The following CDAN1 variants were observed in gnomAD, a reference collection of about 807,000 sequenced individuals.
CDAN1 encodes the protein codanin-1.
Under a neutral mutation model 139.8 loss-of-function variants are expected in CDAN1, and 107 were observed. That is an observed-to-expected ratio of 0.77 (90% CI 0.65 to 0.90). CDAN1 has a LOEUF of 0.90. Ranked by LOEUF, CDAN1 falls within the 40% of genes least tolerant of loss-of-function variation. The probability of loss-of-function intolerance (pLI) is 0.00; values close to 1 mark genes in which losing one functional copy is unlikely to be tolerated. For synonymous variants in CDAN1, 776 were observed against 660.6 expected (o/e 1.17, Z -2.68); for missense variants, 1,667 against 1,575.7 (o/e 1.06, Z -0.98).
chr15:42,728,124 C>G, intron 21 of CDAN1, 80 bp downstream of exon 21: 1 of 1,587,168 alleles, frequency 6.3e-7, no homozygotes, highest in Non-Finnish European at 8.6e-7. Flanking sequence ...CCCCCACACA[C>G]CCTCCCGCAG....
Position 42,728,713 on chromosome 15 carries a change from A to C in CDAN1, c.2743T>G (p.Leu915Val). ...GEEGGDPAQL[L>V]EILCSQLCPH... ...CACAGCTGGGAACACAAGATCTCCA[A>C]CAGCTGGGCTGGGTCTCCCCCTTCC... Residue 915 changes from leucine (L) to valine (V), a missense_variant, in exon 20 of 28, where the codon TTG (leucine) becomes GTG (valine). By Grantham distance (32) the Leu-to-Val change is conservative. This residue lies in a region of CDAN1 where 936 missense variants were observed against 844.1 expected (regional missense o/e 1.11). Coordinates refer to ENST00000356231, the MANE Select transcript of CDAN1 (RefSeq NM_138477.4). The C allele has an allele frequency of 6.2e-7, 1 of 1,614,182 alleles. No homozygotes were observed. Among genetic ancestry groups the C allele is most frequent in the South Asian group, 1.1e-5 (1 of 91,088 alleles).
chr15:42,735,296 T>C lies in CDAN1; in HGVS notation c.1022A>G (p.Lys341Arg), dbSNP rs1263981712. 6.2e-7 allele frequency: 1 copy of C among 1,609,988 alleles called. No individual in the cohort carries two copies. The highest frequency in any genetic ancestry group is 1.3e-5 in the African/African-American group (1 of 74,976). The change falls in exon 5 of 28, where the codon AAG (lysine) becomes AGG (arginine). Residue 341 changes from lysine (K) to arginine (R), a missense_variant. By Grantham distance (26) the Lys-to-Arg change is conservative. This residue lies in a region of CDAN1 where 244 missense variants were observed against 309.4 expected (regional missense o/e 0.79). Transcript: ENST00000356231. ...LLTARRMVTA[K>R]DSDPELSPAV... ...TGGACTTAGTTCAGGGTCGCTGTCC[T>C]TGGCAGTCACCATCCTCCGGGCAGT...
At position 42,731,290 on chromosome 15, in the gene CDAN1, T is replaced by G; in HGVS notation, c.1781A>C (p.Lys594Thr). 2 of 1,614,156 alleles carry G rather than the reference T, an allele frequency of 1.2e-6. No homozygotes were observed. The highest frequency in any genetic ancestry group is 1.7e-6 in the Non-Finnish European group (2 of 1,180,002). The stretch of plus-strand genomic sequence containing the variant: ...GGCAAGACCATTGAGCTCCTGGATC[T>G]TCAAGCTCAGACTGTCCATGAGATG... ...NQHLMDSLSL[K>T]IQELNGLALP... The change falls in exon 12 of 28, where the codon AAG becomes ACG. Residue 594 changes from lysine to threonine, a missense_variant. Physicochemically the swap from Lys to Thr is moderately conservative, Grantham distance 78. Around this residue, in one of 3 missense-constraint regions of CDAN1, gnomAD observed 936 missense variants for 844.1 expected, o/e 1.11. Transcript: ENST00000356231.
At position 42,732,198 on chromosome 15, in the gene CDAN1, G is replaced by A. The variant is rs879540931; in HGVS notation, c.1533+135C>T. On this transcript the variant is annotated intron_variant, in intron 10 of 27. Coordinates refer to ENST00000356231, the MANE Select transcript of CDAN1 (RefSeq NM_138477.4). ...GCCACTGGAGTTTCAGCCACTCCGC[G>A]AGGAGTAGAACTCTTGTTCAAATTC... 24 of 870,228 alleles carry A rather than the reference G, an allele frequency of 2.8e-5. No individual in the cohort carries two copies. The Middle Eastern group carries it at 1.7e-3, about 61-fold the overall frequency. The allele number at this position is 870,228 out of a possible 1,614,324, so 53.9% of individuals were successfully genotyped here. A position where few individuals can be genotyped will look rare whatever the true frequency, so the allele number is the denominator to read the frequency against.
chr15:42,730,595 C>CA lies in CDAN1; in HGVS notation c.2174+2dup. 6.2e-7 allele frequency: 1 copy of CA among 1,614,168 alleles called. No individual in the cohort carries two copies. The highest frequency in any genetic ancestry group is 8.5e-7 in the Non-Finnish European group (1 of 1,180,018). On this transcript the variant is annotated splice_region_variant and intron_variant, in intron 14 of 27. Coordinates refer to ENST00000356231, the MANE Select transcript of CDAN1 (RefSeq NM_138477.4). ...CATCAAGCCTCAGCCTTGTTCCACT[C>CA]ACCGGTGCAGGCGCAGCAGGAGAGT...
rs1423677735 is a variant in CDAN1 at position 42,735,664 on chromosome 15, C to T, written c.789G>A (p.Gln263=). The part of the protein sequence containing the change: ...MLRKERSKQL[Q]QSPTPTCPTP... ...TGGGACAGGTGGGGGTAGGTGACTGCTGCAGCTGCTTAGAGCTATGGAATA... is the reference window on the plus strand; with the variant it reads ...TGGGACAGGTGGGGGTAGGTGACTGTTGCAGCTGCTTAGAGCTATGGAATA... Residue 263 remains glutamine (Q), a synonymous_variant, in exon 4 of 28, where the codon CAG becomes CAA. Transcript: ENST00000356231. The T allele has an allele frequency of 6.2e-7, 1 of 1,614,020 alleles. No individual in the cohort carries two copies. The highest frequency in any genetic ancestry group is 8.5e-7 in the Non-Finnish European group (1 of 1,180,016).
In CDAN1 at chr15:42,737,093, C is replaced by A; in HGVS notation, c.10G>T (p.Val4Phe). 6.6e-7 allele frequency: 1 copy of A among 1,518,304 alleles called. No individual in the cohort carries two copies. The highest frequency in any genetic ancestry group is 8.8e-7 in the Non-Finnish European group (1 of 1,131,548). The allele number at this position is 1,518,304 out of a possible 1,614,324, so 94.1% of individuals were successfully genotyped here. The change falls in exon 1 of 28, where the codon GTT becomes TTT. Residue 4 changes from valine to phenylalanine, a missense_variant. Val to Phe is a conservative substitution (Grantham distance 50). Coordinates refer to ENST00000356231, the MANE Select transcript of CDAN1 (RefSeq NM_138477.4). ...TCTTCTCGCAGCAGCGACTCCAAAACGGCCGCCATCCCGGTCGGGGCGCTC... is the reference window on the plus strand; with the variant it reads ...TCTTCTCGCAGCAGCGACTCCAAAAAGGCCGCCATCCCGGTCGGGGCGCTC... MAA[V>F]LESLLREEVS...
intron 6 of CDAN1, among the ~76,000 whole-genome samples, chr15:42,734,649 G>A (rs1028587745): frequency 6.6e-6 from 1 of 152,036 alleles, no homozygotes; most frequent in Non-Finnish European, 1.5e-5. Context: ...TGTCACCCAG[G>A]CTGGGCTGGG....
chr15:42,724,920 T>C (rs2140456005), intron 27 of CDAN1: 1 of 628,452 alleles, frequency 1.6e-6, no homozygotes, highest in East Asian at 2.7e-5. Flanking sequence ...AAAACCCATA[T>C]AATGGGCTGT....
intron 27 of CDAN1, 109 bp downstream of exon 27, chr15:42,725,035 C>G: frequency 1.1e-6 from 1 of 895,722 alleles, no homozygotes; most frequent in South Asian, 1.4e-5. Flanking sequence ...GCCCTGAAGA[C>G]TCTTGACAAA....
chr15:42,735,947 C>T lies in CDAN1; in HGVS notation c.701G>A (p.Ser234Asn), dbSNP rs755238710. ...TGGGGGAAGGCCAAGGCCCCAAGGG[C>T]TAGTGTCCAGGGCTGAGGGTTGGGA... Reference protein sequence around the residue: ...PSSQPSALDTSPWGLGLPPGC... With the variant: ...PSSQPSALDTNPWGLGLPPGC... The change falls in exon 3 of 28, where the codon AGC becomes AAC. Residue 234 changes from serine to asparagine, a missense_variant. This residue lies in a region of CDAN1 where 487 missense variants were observed against 422.2 expected (regional missense o/e 1.15). Coordinates refer to ENST00000356231, the MANE Select transcript of CDAN1 (RefSeq NM_138477.4). 20 of 1,614,026 alleles carry T rather than the reference C, an allele frequency of 1.2e-5. No individual in the cohort carries two copies. In the East Asian group the frequency reaches 4.2e-4, roughly 34 times the overall value.
In CDAN1 at chr15:42,724,327, C is replaced by T. The variant is rs1179596152; in HGVS notation, c.*164G>A. 1.3e-5 allele frequency: 12 copies of T among 891,932 alleles called. No individual in the cohort carries two copies. Among genetic ancestry groups the T allele is most frequent in the Admixed American group, 6.3e-5 (3 of 47,252 alleles). The allele number at this position is 891,932 out of a possible 1,614,324, so 55.3% of individuals were successfully genotyped here. ...GGCCAACTCTCCTTCCTCTAGGATTCGCGTGGTGGGATGCCAGGCAGTGAC... is the reference window on the plus strand; with the variant it reads ...GGCCAACTCTCCTTCCTCTAGGATTTGCGTGGTGGGATGCCAGGCAGTGAC... On this transcript the variant is annotated 3_prime_UTR_variant, in exon 28 of 28. Transcript: ENST00000356231.
At chr15:42,724,746 AC>A in intron 27 of CDAN1, 130 bp from the exon 28 acceptor site, 1 of 1,150,546 alleles carries the variant, frequency 8.7e-7, no homozygotes, top group Middle Eastern at 2.4e-4. Flanking sequence ...ACTGAAATGG[AC>A]ATGAAACCTT....
chr15:42,733,073 G>A, intron 9 of CDAN1, 24 bp downstream of exon 9: 1 of 1,609,830 alleles, frequency 6.2e-7, no homozygotes, highest in South Asian at 1.1e-5. Flanking sequence ...CCAGGAACAA[G>A]AAAGACAAGG....
Position 42,724,544 on chromosome 15 carries a change from T to C in CDAN1, c.3631A>G (p.Arg1211Gly). The C allele has an allele frequency of 6.4e-7, 1 of 1,562,028 alleles. No homozygotes were observed. The highest frequency in any genetic ancestry group is 8.7e-7 in the Non-Finnish European group (1 of 1,152,138). ...AEPHLPEPQL[R>G]ACELVQPNRG... ...TTTGGCTGCACCAACTCACAGGCTC[T>C]TAGCTGGGGTTCTGGCAGGTGGGGC... is the stretch of plus-strand genomic sequence containing the variant. The change falls in exon 28 of 28, where the codon AGA becomes GGA. Residue 1211 changes from arginine (R) to glycine (G), a missense_variant. Arg to Gly is a moderately radical substitution (Grantham distance 125, BLOSUM62 -2). Transcript: ENST00000356231.
intron 3 of CDAN1, 90 bp from the exon 4 acceptor site, chr15:42,735,769 A>G (rs1282311758): frequency 6.3e-7 from 1 of 1,583,630 alleles, no homozygotes; most frequent in African/African-American, 1.3e-5. Context: ...CCAACAGCCC[A>G]GGAGACAAAC....
chr15:42,728,530 G>A (rs569159535), intron 20 of CDAN1, 122 bp downstream of exon 20: 30 of 1,386,966 alleles, frequency 2.2e-5, no homozygotes, highest in Middle Eastern at 2.4e-4. Flanking sequence ...GAGAATGGGC[G>A]CAGGGAGAAG....
chr15:42,728,854 C>G, intron 19 of CDAN1, 44 bp from the exon 20 acceptor site: 1 of 1,612,952 alleles, frequency 6.2e-7, no homozygotes, highest in Non-Finnish European at 8.5e-7. Context: ...GAGGGTTAAT[C>G]GGAAAGAGGC....
At chr15:42,725,819 T>TTA (rs2061519215) in intron 25 of CDAN1, 149 bp from the exon 26 acceptor site, 2 of 858,790 alleles carry the variant, frequency 2.3e-6, no homozygotes, top group Non-Finnish European at 3.5e-6. Context: ...CCCATCTCTA[T>TTA]TAAAAATACC....
Sources: gnomAD v4.1 joint callset for allele counts (sites outside exome capture counted in the v4.1 genomes callset) on GRCh38, gnomAD v4.1.1 for gene constraint, gnomAD v4.1.1 regional missense constraint, MANE v1.5 for transcripts, NCBI Gene and HGNC (gene_info 2026-07-23, HGNC 2026-07-21) for gene names.